The following AGTPBP1 variants were observed in gnomAD, a reference collection of about 807,000 sequenced individuals.
AGTPBP1 encodes the protein cytosolic carboxypeptidase 1.
Under a neutral mutation model 143.9 loss-of-function variants are expected in AGTPBP1, and 70 were observed. The ratio of observed to expected loss-of-function variants is 0.49; its 90% CI spans 0.40 to 0.59. The LOEUF is 0.59. AGTPBP1 is among the 20% of genes least tolerant of loss of function. The pLI is 0.00. For missense variants in AGTPBP1, 1,229 were observed against 1,464.5 expected (o/e 0.84, Z 2.62); for synonymous variants, 463 against 500.2 (o/e 0.93, Z 0.99).
At position 85,741,873 on chromosome 9, in the gene AGTPBP1, T is replaced by C; in HGVS notation, c.-132A>G. On this transcript the variant is annotated 5_prime_UTR_variant, in exon 1 of 26. Transcript: ENST00000357081. ...TCCCTCGCCGCCCGCCGCCCGGTGT[T>C]TTCATACAAACCCCGGTGGCAGGCG... 2.9e-6 allele frequency: 4 copies of C among 1,392,052 alleles called. No homozygotes were observed. Among genetic ancestry groups the C allele is most frequent in the Non-Finnish European group, 3.7e-6 (4 of 1,074,448 alleles). The allele number at this position is 1,392,052 out of a possible 1,614,324, so 86.2% of individuals were successfully genotyped here.
intron 3 of AGTPBP1, among the ~76,000 whole-genome samples, chr9:85,681,733 T>C (rs915011510): frequency 4.0e-5 from 6 of 151,140 alleles, no homozygotes; most frequent in Admixed American, 2.0e-4. Flanking sequence ...AATGCTATGA[T>C]TGCATTAATA....
intron 25 of AGTPBP1, among the ~76,000 whole-genome samples, chr9:85,556,263 C>G (rs1269901814): frequency 6.6e-6 from 1 of 151,976 alleles, no homozygotes; most frequent in Admixed American, 6.6e-5. Flanking sequence ...TGTGAAGAGG[C>G]AAGAAGAGTA....
rs1669529639 is a variant in AGTPBP1 at position 85,585,538 on chromosome 9, G to T, written c.3090C>A (p.Cys1030Ter). Residue 1030 changes from cysteine (C) to a stop codon, truncating the protein, a stop_gained, in exon 23 of 26, where the codon TGC becomes TGA. Coordinates refer to ENST00000357081, the MANE Select transcript of AGTPBP1 (RefSeq NM_001330701.2). LOFTEE classifies it high-confidence loss of function. ...SRKKNVFMYG[C>*]SIKETVWHTN... is the part of the protein sequence containing the mutation. ...TATGCCACACTGTCTCTTTGATGCT[G>T]CAACCATACATAAATACATTCTTCT... 6.2e-7 allele frequency: 1 copy of T among 1,610,508 alleles called. No individual in the cohort carries two copies. The highest frequency in any genetic ancestry group is 8.5e-7 in the Non-Finnish European group (1 of 1,178,312).
intron 11 of AGTPBP1, among the ~76,000 whole-genome samples, chr9:85,648,144 ATTCTTTGTCTTCGT>A (rs1006622468): frequency 2.6e-5 from 4 of 152,216 alleles, no homozygotes; most frequent in African/African-American, 9.6e-5. Flanking sequence ...AGTTACATCA[ATTCTTTGTCTTCGT>A]TTCTTTGTCT....
chr9:85,550,131 T>G (rs6559872), intron 25 of AGTPBP1, among the ~76,000 whole-genome samples: 43,126 of 151,264 alleles, frequency 0.29, 9,274 homozygotes, highest in African/African-American at 0.59. Flanking sequence ...CAAAGAGGAG[T>G]AAGTTAGCGG....
chr9:85,691,234 T>C (rs1482729255), intron 3 of AGTPBP1, among the ~76,000 whole-genome samples: 1 of 152,134 alleles, frequency 6.6e-6, no homozygotes, highest in Non-Finnish European at 1.5e-5. Flanking sequence ...TTTTAAATTA[T>C]GCAAGAAACA....
intron 25 of AGTPBP1, among the ~76,000 whole-genome samples, chr9:85,569,948 A>G (rs1665985582): frequency 6.6e-6 from 1 of 152,204 alleles, no homozygotes; most frequent in Admixed American, 6.5e-5. Context: ...TGTTTTCTTC[A>G]GCCTTAACTT....
At chr9:85,603,164 T>C (rs1214210118) in intron 17 of AGTPBP1, among the ~76,000 whole-genome samples, 2 of 152,136 alleles carry the variant, frequency 1.3e-5, no homozygotes, top group African/African-American at 4.8e-5. Flanking sequence ...TGTGGCCCAG[T>C]GGGACACCAA....
intron 7 of AGTPBP1, 95 bp downstream of exon 7, chr9:85,672,455 A>G (rs1751238179): frequency 7.3e-7 from 1 of 1,364,628 alleles, no homozygotes; most frequent in South Asian, 1.4e-5. Flanking sequence ...TTCCTTTTTC[A>G]CAAATATCAG....
intron 25 of AGTPBP1, among the ~76,000 whole-genome samples, chr9:85,559,913 C>T (rs982472881): frequency 1.3e-5 from 2 of 152,184 alleles, no homozygotes; most frequent in African/African-American, 2.4e-5. Context: ...ACTATGCCTG[C>T]AGTCCCCTTT....
intron 4 of AGTPBP1, among the ~76,000 whole-genome samples, chr9:85,679,040 T>C (rs1835006640): frequency 6.6e-6 from 1 of 152,206 alleles, no homozygotes; most frequent in Non-Finnish European, 1.5e-5. Context: ...CTATTAAAAG[T>C]TTCAAATTTA....
At chr9:85,800,061 G>A in the AGTPBP1 span, among the ~76,000 whole-genome samples, 3 of 152,164 alleles carry the variant, frequency 2.0e-5, no homozygotes, top group African/African-American at 7.2e-5. Context: ...TGTGAATGAA[G>A]CTGGGGGAAA....
Position 85,596,438 on chromosome 9 carries a change from G to GTGGT in AGTPBP1, c.2343_2346dup (p.Leu783ThrfsTer22). On this transcript the variant is annotated frameshift_variant, in exon 18 of 26. Transcript: ENST00000357081. LOFTEE classifies it high-confidence loss of function. ...AATGCTTCCTGAACCGAATACATGA[G>GTGGT]TGGTTGCATACCTTTGAAAGAGAGA... is the stretch of plus-strand genomic sequence containing the variant. 1 of 1,602,986 alleles carries GTGGT rather than the reference G, an allele frequency of 6.2e-7. No individual in the cohort carries two copies. Among genetic ancestry groups the GTGGT allele is most frequent in the Non-Finnish European group, 8.5e-7 (1 of 1,174,496 alleles).
chr9:85,690,772 C>T, intron 3 of AGTPBP1, among the ~76,000 whole-genome samples: 1 of 150,590 alleles, frequency 6.6e-6, no homozygotes, highest in South Asian at 2.1e-4. Flanking sequence ...GGAAGAGGGT[C>T]ATTCTCTGAT....
the AGTPBP1 span, chr9:85,788,175 G>A: frequency 2.1e-3 from 323 of 151,970 alleles, 2 homozygotes; most frequent in African/African-American, 7.6e-3. Flanking sequence ...ATAAATATTG[G>A]TCCAATGAGA....
At chr9:85,741,437 G>A (rs745797699) in intron 1 of AGTPBP1, 1 of 985,264 alleles carries the variant, frequency 1.0e-6, no homozygotes. Flanking sequence ...TCGGGCCCGA[G>A]AGAAAGGGCT....
intron 2 of AGTPBP1, among the ~76,000 whole-genome samples, chr9:85,708,226 TCTC>T (rs1450913405): frequency 6.6e-6 from 1 of 152,048 alleles, no homozygotes; most frequent in Non-Finnish European, 1.5e-5. Context: ...CATCATCACA[TCTC>T]CTACTACTGA....
At chr9:85,684,013 A>C (rs1835347670) in intron 3 of AGTPBP1, among the ~76,000 whole-genome samples, 1 of 151,930 alleles carries the variant, frequency 6.6e-6, no homozygotes, top group African/African-American at 2.4e-5. Context: ...CCTACATCAG[A>C]GTAAAAATAA....
chr9:85,610,384 G>A (rs1830244802), intron 17 of AGTPBP1, among the ~76,000 whole-genome samples: 1 of 152,078 alleles, frequency 6.6e-6, no homozygotes, highest in African/African-American at 2.4e-5. Context: ...GTATTTCAAA[G>A]GCAGTATTCT....
Sources: gnomAD v4.1 joint callset for allele counts (sites outside exome capture counted in the v4.1 genomes callset) on GRCh38, gnomAD v4.1.1 for gene constraint, MANE v1.5 for transcripts, NCBI Gene and HGNC (gene_info 2026-07-23, HGNC 2026-07-21) for gene names.